Variants in FREM2 observed in about 807,000 individuals in gnomAD.
FREM2 encodes FRAS1 related extracellular matrix 2, also known as FRAS1-related extracellular matrix protein 2.
Under a neutral mutation model 219.9 loss-of-function variants are expected in FREM2, and 119 were observed. The ratio of observed to expected loss-of-function variants is 0.54; its 90% confidence interval spans 0.47 to 0.63. FREM2 has a LOEUF of 0.63. Ranked by LOEUF, FREM2 falls within the 30% of genes least tolerant of loss-of-function variation. The pLI is 0.00. For missense variants in FREM2, 4,030 were observed against 3,993.6 expected, an observed-to-expected ratio of 1.01 and a Z score of -0.25; for synonymous variants, 1,562 against 1,522.8, an observed-to-expected ratio of 1.03 and a Z score of -0.60.
chr13:38,695,717 A>T (rs953802876), intron 1 of FREM2, among the ~76,000 whole-genome samples: 1 of 152,186 alleles, frequency 6.6e-6, no homozygotes, highest in African/African-American at 2.4e-5. Context: ...TGAAGGTTAT[A>T]CAATTAAGAA....
At chr13:38,855,664 G>A in intron 11 of FREM2, among the ~76,000 whole-genome samples, 1 of 152,090 alleles carries the variant, frequency 6.6e-6, no homozygotes, top group Non-Finnish European at 1.5e-5. Context: ...TCACTCCTAA[G>A]TGGGAGCTAA....
At chr13:38,732,632 T>G (rs1871815083) in intron 2 of FREM2, among the ~76,000 whole-genome samples, 1 of 152,188 alleles carries the variant, frequency 6.6e-6, no homozygotes. Flanking sequence ...ACTGCTTACA[T>G]GTGGTGCCCC....
At chr13:38,799,593 C>T (rs9603429) in intron 6 of FREM2, among the ~76,000 whole-genome samples, 44,029 of 151,784 alleles carry the variant, frequency 0.29, 6,417 homozygotes, top group East Asian at 0.35. Context: ...GTATTGCTGT[C>T]TGTGTTTTTC....
At chr13:38,854,039 A>C (rs1877469932) in intron 11 of FREM2, among the ~76,000 whole-genome samples, 1 of 151,810 alleles carries the variant, frequency 6.6e-6, no homozygotes, top group African/African-American at 2.4e-5. Flanking sequence ...TAATGTTTAT[A>C]TTAAAAATTT....
intron 6 of FREM2, among the ~76,000 whole-genome samples, chr13:38,797,301 C>A (rs929872802): frequency 6.6e-6 from 1 of 151,962 alleles, no homozygotes; most frequent in Non-Finnish European, 1.5e-5. Context: ...GCCAGTCTAA[C>A]GGGTAAGATG....
chr13:38,883,940 G>A lies in FREM2; in HGVS notation c.*3153G>A, dbSNP rs1363089945. 1 of 152,180 alleles carries A rather than the reference G, an allele frequency of 6.6e-6. No homozygotes were observed. The highest frequency in any genetic ancestry group is 1.5e-5 in the Non-Finnish European group (1 of 68,034). 9.4% of individuals were successfully genotyped at this position (152,180 alleles called of 1,614,324 possible). On this transcript the variant is annotated 3_prime_UTR_variant, in exon 24 of 24. Coordinates refer to ENST00000280481, the MANE Select transcript of FREM2 (RefSeq NM_207361.6). Reference sequence around the variant, plus strand: ...TGACCTTCGCAAAACCTCACTGGGGGAGTGCCTTGTAGAGCTGTGGGTGGG... The same window carrying A: ...TGACCTTCGCAAAACCTCACTGGGGAAGTGCCTTGTAGAGCTGTGGGTGGG...
chr13:38,715,578 A>G (rs137885381), intron 2 of FREM2, among the ~76,000 whole-genome samples: 55 of 151,902 alleles, frequency 3.6e-4, no homozygotes, highest in African/African-American at 1.3e-3. Context: ...AATCTACCCA[A>G]CAATCACTTC....
Position 38,884,416 on chromosome 13 carries a change from A to G in FREM2, c.*3629A>G, listed in dbSNP as rs1878658707. On this transcript the variant is annotated 3_prime_UTR_variant, in exon 24 of 24. Transcript: ENST00000280481. ...ACCAATAATAGAGCTAAATACAATG[A>G]CATTTGCTTTTAAAAGGTGGATATT... is the stretch of plus-strand genomic sequence containing the variant. 1.3e-5 allele frequency: 2 copies of G among 152,322 alleles called. No homozygotes were observed. The highest frequency in any genetic ancestry group is 4.1e-4 in the South Asian group (2 of 4,828). 9.4% of individuals were successfully genotyped at this position (152,322 alleles called of 1,614,324 possible). A position where few individuals can be genotyped will look rare whatever the true frequency, so the allele number is the denominator to read the frequency against.
At chr13:38,863,103 G>T (rs138715373) in intron 15 of FREM2, among the ~76,000 whole-genome samples, 1,654 of 152,214 alleles carry the variant, frequency 0.011, 27 homozygotes, top group African/African-American at 0.037. Flanking sequence ...AGGCTGGAGT[G>T]CAGTAGCGCG....
Position 38,885,441 on chromosome 13 carries a change from T to C in FREM2, c.*4654T>C, listed in dbSNP as rs1251277021. The C allele has an allele frequency of 3.3e-5, 5 of 152,306 alleles. No homozygotes were observed. Among genetic ancestry groups the C allele is most frequent in the Non-Finnish European group, 7.4e-5 (5 of 68,010 alleles). The allele number at this position is 152,306 out of a possible 1,614,324, so 9.4% of individuals were successfully genotyped here. Reference sequence around the variant, plus strand: ...TGTGTTTTTTCAATATTTTGTTTGCTAAAGAACAATAACAACAACAAAGCT... The same window carrying C: ...TGTGTTTTTTCAATATTTTGTTTGCCAAAGAACAATAACAACAACAAAGCT... On this transcript the variant is annotated 3_prime_UTR_variant, in exon 24 of 24. Transcript: ENST00000280481.
intron 9 of FREM2, 62 bp downstream of exon 9, chr13:38,850,297 A>T: frequency 5.3e-6 from 7 of 1,327,372 alleles, no homozygotes; most frequent in Non-Finnish European, 7.6e-6. Flanking sequence ...ACTCAGAAAT[A>T]TATATCAGGG....
intron 4 of FREM2, among the ~76,000 whole-genome samples, chr13:38,770,607 CA>C (rs1211096018): frequency 5.9e-5 from 9 of 152,148 alleles, no homozygotes; most frequent in Non-Finnish European, 1.2e-4. Flanking sequence ...ATTTACCAGC[CA>C]AAAATTTTTA....
Position 38,687,249 on chromosome 13 carries a change from G to A in FREM2, c.-96G>A. 6.6e-7 allele frequency: 1 copy of A among 1,515,190 alleles called. No individual in the cohort carries two copies. Among genetic ancestry groups the A allele is most frequent in the Non-Finnish European group, 9.0e-7 (1 of 1,116,646 alleles). The allele number at this position is 1,515,190 out of a possible 1,614,324, so 93.9% of individuals were successfully genotyped here. A position where few individuals can be genotyped will look rare whatever the true frequency, so the allele number is the denominator to read the frequency against. ...GAGGACCCCGCGGGCAACGCGCGGAGTTCCTGGCACTTCCCGGCGGTGTCT... is the reference window on the plus strand; with the variant it reads ...GAGGACCCCGCGGGCAACGCGCGGAATTCCTGGCACTTCCCGGCGGTGTCT... On this transcript the variant is annotated 5_prime_UTR_variant, in exon 1 of 24. Transcript: ENST00000280481.
chr13:38,879,074 A>G (rs1593460854), intron 23 of FREM2, 97 bp downstream of exon 23: 2 of 1,107,028 alleles, frequency 1.8e-6, no homozygotes, highest in Non-Finnish European at 2.8e-6. Flanking sequence ...AAATAGCAGT[A>G]ATAGTAATAT....
In FREM2 at chr13:38,691,932, G is replaced by A. The variant is rs886043214; in HGVS notation, c.4588G>A (p.Asp1530Asn). The A allele has an allele frequency of 1.2e-6, 2 of 1,614,062 alleles. No individual in the cohort carries two copies. Among genetic ancestry groups the A allele is most frequent in the African/African-American group, 2.7e-5 (2 of 74,930 alleles). ...ATTCCGTATCTCCATTAGCGATGTG[G>A]ACAATAAAAAGCCAGTGGTCACCAT... ...RTFRISISDV[D>N]NKKPVVTIHK... is the part of the protein sequence containing the mutation. Residue 1530 changes from aspartate (D) to asparagine (N), a missense_variant, in exon 1 of 24, where the codon GAC becomes AAC. Physicochemically the swap from Asp to Asn is conservative, Grantham distance 23. Around this residue, in one of 2 missense-constraint regions of FREM2, gnomAD observed 3,102 missense variants for 2,950.7 expected, o/e 1.05. Transcript: ENST00000280481.
intron 9 of FREM2, 47 bp downstream of exon 9, chr13:38,850,282 T>A (rs779900533): frequency 1.4e-6 from 2 of 1,469,042 alleles, no homozygotes; most frequent in Admixed American, 3.4e-5. Flanking sequence ...AGAAGCCGAA[T>A]TTTTACTCAG....
chr13:38,742,373 A>G (rs1390302237), intron 2 of FREM2, among the ~76,000 whole-genome samples: 1 of 152,230 alleles, frequency 6.6e-6, no homozygotes, highest in African/African-American at 2.4e-5. Context: ...TAGAGAAATT[A>G]TATGGACTAG....
intron 2 of FREM2, among the ~76,000 whole-genome samples, chr13:38,698,356 TGGTTAA>T (rs1451618558): frequency 6.6e-6 from 1 of 152,162 alleles, no homozygotes; most frequent in Non-Finnish European, 1.5e-5. Context: ...AAATTTTTCT[TGGTTAA>T]GTGTGAAGAA....
chr13:38,840,287 A>C (rs975857664), intron 6 of FREM2, among the ~76,000 whole-genome samples: 4 of 151,814 alleles, frequency 2.6e-5, no homozygotes, highest in Non-Finnish European at 5.9e-5. Context: ...GGCTGCATCC[A>C]CTGTCTGACC....
Sources: allele counts gnomAD v4.1 joint callset (sites outside exome capture counted in the v4.1 genomes callset), GRCh38; gene constraint gnomAD v4.1.1; regional missense constraint gnomAD v4.1.1; transcripts MANE v1.5; gene names NCBI Gene and HGNC (gene_info 2026-07-23, HGNC 2026-07-21).